The following CREBRF variants were observed in gnomAD, a reference collection of about 807,000 sequenced individuals.
The protein encoded by CREBRF is CREB3 regulatory factor.
A neutral mutation model predicts 66.1 loss-of-function variants in CREBRF; 5 were observed. The observed-to-expected ratio is 0.08, with a 90% CI of 0.04 to 0.16. The LOEUF (loss-of-function observed/expected upper bound fraction) is 0.16. Among genes scored for constraint, CREBRF ranks in the 10% least tolerant of loss-of-function variants. CREBRF has a pLI of 1.00. For synonymous variants in CREBRF, 229 were observed against 264.4 expected (o/e 0.87, Z 1.30); for missense variants, 531 against 744.9 (o/e 0.71, Z 3.34).
At chr5:173,128,008 C>G (rs571042141) in intron 8 of CREBRF, among the ~76,000 whole-genome samples, 8 of 152,118 alleles carry the variant, frequency 5.3e-5, no homozygotes, top group Admixed American at 2.0e-4. Flanking sequence ...TTTCTCCCCC[C>G]CAAAACCAGC....
At chr5:173,115,288 G>A (rs1409112664) in intron 7 of CREBRF, among the ~76,000 whole-genome samples, 1 of 151,722 alleles carries the variant, frequency 6.6e-6, no homozygotes, top group Non-Finnish European at 1.5e-5. Context: ...TGTATTTTTA[G>A]TAGAGACAGG....
chr5:173,061,783 A>G (rs1179211897), intron 1 of CREBRF, among the ~76,000 whole-genome samples: 1 of 152,202 alleles, frequency 6.6e-6, no homozygotes, highest in African/African-American at 2.4e-5. Context: ...CTCTTTTTCC[A>G]GGGAAAATGT....
intron 8 of CREBRF, among the ~76,000 whole-genome samples, chr5:173,133,304 G>A (rs976617938): frequency 2.6e-5 from 4 of 152,206 alleles, no homozygotes; most frequent in Admixed American, 2.0e-4. Flanking sequence ...AAACCAGGGC[G>A]TGGGAAGCAG....
chr5:173,064,074 G>A (rs1207973736), intron 1 of CREBRF, among the ~76,000 whole-genome samples: 1 of 151,072 alleles, frequency 6.6e-6, no homozygotes, highest in Non-Finnish European at 1.5e-5. Context: ...TGTTTTTTTT[G>A]TCCTCCAGTT....
intron 8 of CREBRF, among the ~76,000 whole-genome samples, chr5:173,128,690 A>G (rs935093071): frequency 2.1e-4 from 32 of 151,572 alleles, no homozygotes; most frequent in Non-Finnish European, 4.1e-4. Context: ...TTTGTTTGGT[A>G]TTGTTTCTAA....
intron 2 of CREBRF, chr5:173,085,343 G>T: frequency 8.2e-7 from 1 of 1,222,668 alleles, no homozygotes; most frequent in Non-Finnish European, 1.2e-6. Flanking sequence ...GTTCATAGCA[G>T]CACACACCTG....
chr5:173,056,851 C>G (rs189844602), intron 1 of CREBRF, among the ~76,000 whole-genome samples: 4 of 143,382 alleles, frequency 2.8e-5, no homozygotes, highest in South Asian at 2.5e-4. Flanking sequence ...CCGCTGCTGC[C>G]GGCAGTCGGC....
chr5:173,129,106 CTTTTTTTTTTTTT>C (rs70984946), intron 8 of CREBRF, among the ~76,000 whole-genome samples: 7 of 53,704 alleles, frequency 1.3e-4, no homozygotes, highest in South Asian at 9.4e-4. Context: ...TTAGTTACAT[CTTTTTTTTTTTTT>C]TTTTTTTTTT....
intron 7 of CREBRF, among the ~76,000 whole-genome samples, chr5:173,122,111 T>C (rs1203867316): frequency 1.3e-5 from 2 of 152,192 alleles, no homozygotes; most frequent in African/African-American, 4.8e-5. Context: ...TTGTTGTTGT[T>C]GTTTTTTGAG....
At chr5:173,085,524 C>G in intron 2 of CREBRF, 1 of 549,382 alleles carries the variant, frequency 1.8e-6, no homozygotes, top group South Asian at 2.1e-5. Flanking sequence ...TCAAGCGATT[C>G]TCCTACCTCA....
intron 4 of CREBRF, among the ~76,000 whole-genome samples, chr5:173,102,514 G>T (rs1451328393): frequency 6.6e-6 from 1 of 152,142 alleles, no homozygotes. Context: ...TGGGTCTGTA[G>T]AGGTCATCCT....
At chr5:173,063,154 T>C (rs1403664061) in intron 1 of CREBRF, among the ~76,000 whole-genome samples, 3 of 152,162 alleles carry the variant, frequency 2.0e-5, no homozygotes, top group African/African-American at 4.8e-5. Context: ...CCAAGCCTTA[T>C]ATGCATTTCA....
chr5:173,130,694 A>T (rs1419507679), intron 8 of CREBRF, among the ~76,000 whole-genome samples: 1 of 151,604 alleles, frequency 6.6e-6, no homozygotes, highest in Non-Finnish European at 1.5e-5. Flanking sequence ...CAGCTAATTT[A>T]TTTATTTTTA....
intron 2 of CREBRF, among the ~76,000 whole-genome samples, chr5:173,081,349 A>G (rs139534292): frequency 1.4e-4 from 22 of 152,284 alleles, no homozygotes; most frequent in African/African-American, 5.3e-4. Context: ...GTTTTAGGCA[A>G]TCAGTGAGAC....
intron 7 of CREBRF, among the ~76,000 whole-genome samples, chr5:173,118,502 T>C (rs916730467): frequency 5.3e-5 from 8 of 152,184 alleles, no homozygotes; most frequent in African/African-American, 1.9e-4. Context: ...GCTTATGATC[T>C]TTTTTAGGTC....
chr5:173,121,381 G>A (rs1759135825), intron 7 of CREBRF, among the ~76,000 whole-genome samples: 1 of 150,692 alleles, frequency 6.6e-6, no homozygotes, highest in Non-Finnish European at 1.5e-5. Flanking sequence ...GGAGTGCAGT[G>A]GCGCAGTCTC....
chr5:173,086,530 C>T lies in CREBRF; in HGVS notation c.39C>T (p.Phe13=), dbSNP rs748475579. The T allele has an allele frequency of 5.1e-5, 82 of 1,613,808 alleles. No homozygotes were observed. The highest frequency in any genetic ancestry group is 8.0e-5 in the African/African-American group (6 of 74,906). ...QPSVSGMDPP[F]GDAFRSHTFS... ...GTGTAAGCGGAATGGATCCGCCTTTCGGGGATGCCTTTCGAAGCCACACCT... is the reference window on the plus strand; with the variant it reads ...GTGTAAGCGGAATGGATCCGCCTTTTGGGGATGCCTTTCGAAGCCACACCT... The change falls in exon 3 of 9, where the codon TTC becomes TTT. Residue 13 remains phenylalanine, a synonymous_variant. Coordinates refer to ENST00000296953, the MANE Select transcript of CREBRF (RefSeq NM_153607.3).
chr5:173,092,290 C>G (rs1253774267), intron 4 of CREBRF: 1 of 981,272 alleles, frequency 1.0e-6, no homozygotes, highest in African/African-American at 1.8e-5. Flanking sequence ...TCGTATTTTC[C>G]TATTTAAGAA....
intron 4 of CREBRF, among the ~76,000 whole-genome samples, chr5:173,106,361 C>T (rs370284262): frequency 2.6e-5 from 4 of 151,320 alleles, no homozygotes; most frequent in Admixed American, 6.6e-5. Flanking sequence ...ACCTGGGAGG[C>T]GGAGCTTGCA....
Sources: allele counts gnomAD v4.1 joint callset (sites outside exome capture counted in the v4.1 genomes callset), GRCh38; gene constraint gnomAD v4.1.1; transcripts MANE v1.5; gene names NCBI Gene and HGNC (gene_info 2026-07-23, HGNC 2026-07-21).